UGT1A8: variants seen among roughly 807,000 people sequenced by gnomAD.
The protein encoded by UGT1A8 is UDP-glucuronosyltransferase 1A8.
A neutral mutation model predicts 45.3 loss-of-function variants in UGT1A8; 39 were observed. That is an observed-to-expected ratio of 0.86 (90% CI 0.67 to 1.12). UGT1A8 has a LOEUF of 1.12. UGT1A8 is among the 50% of genes most tolerant of loss of function. UGT1A8 has a pLI of 0.00. For missense variants in UGT1A8, 719 were observed against 664.9 expected (o/e 1.08, Z -0.90); for synonymous variants, 275 against 249.2 (o/e 1.10, Z -0.97).
intron 1 of UGT1A8, chr2:233,648,183 A>G (rs2073650133): frequency 4.3e-6 from 4 of 936,524 alleles, no homozygotes; most frequent in Non-Finnish European, 6.3e-6. Flanking sequence ...CCAAATGTTT[A>G]GAATTTAATT....
chr2:233,760,272 C>A (rs2125981625), intron 1 of UGT1A8: 1 of 1,612,378 alleles, frequency 6.2e-7, no homozygotes, highest in Non-Finnish European at 8.5e-7. Context: ...GAACCTCTGG[C>A]AGGAGCAAAG....
intron 1 of UGT1A8, among the ~76,000 whole-genome samples, chr2:233,732,898 G>T (rs1347576081): frequency 6.6e-6 from 1 of 151,914 alleles, no homozygotes; most frequent in Non-Finnish European, 1.5e-5. Context: ...AATTACCTTG[G>T]GCAGTATGGC....
intron 1 of UGT1A8, among the ~76,000 whole-genome samples, chr2:233,628,886 T>G (rs1032463650): frequency 1.3e-5 from 2 of 152,150 alleles, no homozygotes; most frequent in Admixed American, 1.3e-4. Context: ...TGCTTATACT[T>G]TTTTAGTTTA....
intron 1 of UGT1A8, among the ~76,000 whole-genome samples, chr2:233,736,594 G>A (rs1196858563): frequency 2.0e-5 from 3 of 152,156 alleles, no homozygotes; most frequent in African/African-American, 7.2e-5. Flanking sequence ...ATGTGCTTAT[G>A]CGCTATGGTT....
At position 233,743,636 on chromosome 2, in the gene UGT1A8, C is replaced by T. The variant is rs764566878; in HGVS notation, c.856-23398C>T. 27 of 1,367,194 alleles carry T rather than the reference C, an allele frequency of 2.0e-5. 2 individuals are homozygous for T. The African/African-American group carries it at 2.2e-4, about 11-fold the overall frequency. The allele number at this position is 1,367,194 out of a possible 1,614,324, so 84.7% of individuals were successfully genotyped here. A position where few individuals can be genotyped will look rare whatever the true frequency, so the allele number is the denominator to read the frequency against. On this transcript the variant is annotated intron_variant, in intron 1 of 4. Transcript: ENST00000373450. Reference sequence around the variant, plus strand: ...CTCCCTGAAGACGTCGGCTGGGTCGCGGAAGCTGAAGACGTACTCGAAGGG... The same window carrying T: ...CTCCCTGAAGACGTCGGCTGGGTCGTGGAAGCTGAAGACGTACTCGAAGGG...
chr2:233,731,227 AT>A (rs2078124721), intron 1 of UGT1A8, among the ~76,000 whole-genome samples: 1 of 151,928 alleles, frequency 6.6e-6, no homozygotes, highest in Non-Finnish European at 1.5e-5. Flanking sequence ...ATTTGTAAAA[AT>A]GTTGAAAAGT....
At chr2:233,705,245 C>A (rs184957890) in intron 1 of UGT1A8, among the ~76,000 whole-genome samples, 1 of 151,984 alleles carries the variant, frequency 6.6e-6, no homozygotes, top group African/African-American at 2.4e-5. Context: ...TGTATGAATT[C>A]AGATTATTCT....
chr2:233,683,521 TG>T, intron 1 of UGT1A8, among the ~76,000 whole-genome samples: 1 of 152,314 alleles, frequency 6.6e-6, no homozygotes, highest in Non-Finnish European at 1.5e-5. Flanking sequence ...TGAGTATGGT[TG>T]CTTGGTTTTC....
At chr2:233,692,915 C>T in intron 1 of UGT1A8, 1 of 1,562,208 alleles carries the variant, frequency 6.4e-7, no homozygotes, top group Non-Finnish European at 8.6e-7. Flanking sequence ...CTGTGAAAAG[C>T]AGTGGTTAGT....
Position 233,618,200 on chromosome 2 carries a change from T to G in UGT1A8, c.493T>G (p.Ser165Ala), listed in dbSNP as rs2072939018. The G allele has an allele frequency of 6.2e-7, 1 of 1,613,932 alleles. No homozygotes were observed. Among genetic ancestry groups the G allele is most frequent in the African/African-American group, 1.3e-5 (1 of 74,916 alleles). Residue 165 changes from serine to alanine, a missense_variant, in exon 1 of 5, where the codon TCT becomes GCT. Physicochemically the swap from Ser to Ala is moderately conservative, Grantham distance 99. Transcript: ENST00000373450. ...LIVAKYFSLP[S>A]VVFARGIACH... ...TGTTGCCAAATATTTCTCCCTCCCC[T>G]CTGTGGTCTTCGCCAGGGGAATAGC...
rs1436464703 is a variant in UGT1A8 at position 233,735,153 on chromosome 2, C to G, written c.856-31881C>G. Among the ~76,000 whole-genome samples the G allele has an allele frequency of 3.9e-5, 6 of 152,130 alleles. No individual in the cohort carries two copies. In the East Asian group the frequency reaches 1.2e-3, roughly 29 times the overall value. ...ATTATTATTGTGTGGGAGTCTAAGT[C>G]TCTGTGTAGGTCTCTAAGAACTTGC... On this transcript the variant is annotated intron_variant, in intron 1 of 4. Coordinates refer to ENST00000373450, the MANE Select transcript of UGT1A8 (RefSeq NM_019076.5).
In UGT1A8 at chr2:233,632,178, A is replaced by T. The variant is rs13029819; in HGVS notation, c.855+13616A>T. 6.9e-3 allele frequency among the ~76,000 whole-genome samples: 1,045 copies of T among 152,144 alleles called. 8 individuals are homozygous for T. The highest frequency in any genetic ancestry group is 0.019 in the African/African-American group (786 of 41,518). On this transcript the variant is annotated intron_variant, in intron 1 of 4. Transcript: ENST00000373450. ...GGCATAATTTCTGAGGCCTCTGTTC[A>T]GTTCCATTGGTCTATATATCTGTTT...
In UGT1A8 at chr2:233,734,701, C is replaced by T. The variant is rs1205669329; in HGVS notation, c.856-32333C>T. On this transcript the variant is annotated intron_variant, in intron 1 of 4. Coordinates refer to ENST00000373450, the MANE Select transcript of UGT1A8 (RefSeq NM_019076.5). ...CTGATTTAAATGTGTCCCAGAGATT[C>T]TGGTATGTTGTGTCTTTGTTCTCGT... Among the ~76,000 whole-genome samples, 1,503 of 152,228 alleles carry T rather than the reference C, an allele frequency of 9.9e-3. 21 individuals carry two copies. The highest frequency in any genetic ancestry group is 0.035 in the African/African-American group (1,434 of 41,552).
intron 1 of UGT1A8, among the ~76,000 whole-genome samples, chr2:233,758,201 G>A (rs1696819770): frequency 6.6e-6 from 1 of 152,182 alleles, no homozygotes; most frequent in African/African-American, 2.4e-5. Flanking sequence ...GCTTAGTAGT[G>A]GTTCTCTGTT....
Position 233,617,689 on chromosome 2 carries a change from C to A in UGT1A8, c.-19C>A, listed in dbSNP as rs28969668. 5,043 of 1,602,484 alleles carry A rather than the reference C, an allele frequency of 3.1e-3. 117 individuals are homozygous for A. The African/African-American group carries it at 0.057, about 18-fold the overall frequency. On this transcript the variant is annotated 5_prime_UTR_variant, in exon 1 of 5. Coordinates refer to ENST00000373450, the MANE Select transcript of UGT1A8 (RefSeq NM_019076.5). ...AGCAGCTTAGAATCCCAGCTGCTGG[C>A]TCGGGCTGCAGTTCTCTCATGGCTC...
intron 1 of UGT1A8, among the ~76,000 whole-genome samples, chr2:233,695,217 C>T (rs1474922395): frequency 6.6e-6 from 1 of 151,690 alleles, no homozygotes; most frequent in East Asian, 1.9e-4. Context: ...CCTCCACCTC[C>T]TGGGTTCAAG....
intron 1 of UGT1A8, chr2:233,748,125 T>C: frequency 6.2e-7 from 1 of 1,610,546 alleles, no homozygotes; most frequent in South Asian, 1.1e-5. Context: ...GGCAAAACAG[T>C]TTTTAAAAAT....
intron 1 of UGT1A8, among the ~76,000 whole-genome samples, chr2:233,676,365 C>T (rs544333325): frequency 3.3e-5 from 5 of 152,264 alleles, no homozygotes; most frequent in African/African-American, 1.2e-4. Context: ...AGGATTATAG[C>T]AAGGTTACAA....
rs1488561053 is a variant in UGT1A8, at chr2:233,633,028, A to AT, written c.855+14471dup. On this transcript the variant is annotated intron_variant, in intron 1 of 4. Transcript: ENST00000373450. Reference sequence around the variant, plus strand: ...TCCATCAATAACTAGTTCATCAAGAATTTTTGGCATGAAGTGCTGTTGAAT... The same window carrying AT: ...TCCATCAATAACTAGTTCATCAAGAATTTTTTGGCATGAAGTGCTGTTGAAT... Among the ~76,000 whole-genome samples the AT allele has an allele frequency of 2.6e-5, 4 of 152,130 alleles. No individual in the cohort carries two copies. In the East Asian group the frequency reaches 7.7e-4, roughly 29 times the overall value.
Sources: allele counts gnomAD v4.1 joint callset (sites outside exome capture counted in the v4.1 genomes callset), GRCh38; gene constraint gnomAD v4.1.1; transcripts MANE v1.5; gene names NCBI Gene and HGNC (gene_info 2026-07-23, HGNC 2026-07-21).